Variants in SGIP1 observed in about 807,000 individuals in gnomAD.
SGIP1 encodes SH3GL interacting endocytic adaptor 1.
In SGIP1, 38 loss-of-function variants were observed where a neutral mutation model predicts 107.5. That is an observed-to-expected ratio of 0.35 (90% CI 0.27 to 0.46). The LOEUF is 0.46. Ranked by LOEUF, SGIP1 falls within the 20% of genes least tolerant of loss-of-function variation. SGIP1 has a pLI of 1.00. For missense variants in SGIP1, 929 were observed against 1,019.5 expected (o/e 0.91, Z 1.21); for synonymous variants, 365 against 366.1 (o/e 1.00, Z 0.03).
At chr1:66,625,716 C>A (rs1411975199) in intron 1 of SGIP1, 131 bp from the exon 2 acceptor site, 14 of 692,608 alleles carry the variant, frequency 2.0e-5, no homozygotes, top group Non-Finnish European at 2.4e-6. Context: ...GACACACATA[C>A]CTTTACATAC....
intron 1 of SGIP1, among the ~76,000 whole-genome samples, chr1:66,561,167 G>A (rs2058884510): frequency 6.6e-6 from 1 of 151,994 alleles, no homozygotes; most frequent in South Asian, 2.1e-4. Context: ...CTCAAAACAA[G>A]TCACAGAAAT....
chr1:66,669,375 C>T (rs993562224), intron 9 of SGIP1, among the ~76,000 whole-genome samples: 2 of 152,174 alleles, frequency 1.3e-5, no homozygotes, highest in Non-Finnish European at 2.9e-5. Flanking sequence ...GTCTTCAATA[C>T]AACCTCTGGG....
In SGIP1 at chr1:66,742,964, C is replaced by T. The variant is rs2094504968; in HGVS notation, c.2465-109C>T. On this transcript the variant is annotated intron_variant, in intron 24 of 24. Coordinates refer to ENST00000371037, the MANE Select transcript of SGIP1 (RefSeq NM_032291.4). ...ATTCGTATTGTACCTCTGAAGTATG[C>T]AGTATCTGGCTCCTAGGGGTAGGGA... 1.7e-5 allele frequency: 17 copies of T among 1,021,152 alleles called. 1 individual carries two copies. The South Asian group carries it at 2.1e-4, about 12-fold the overall frequency. The allele number at this position is 1,021,152 out of a possible 1,614,324, so 63.3% of individuals were successfully genotyped here. A position where few individuals can be genotyped will look rare whatever the true frequency, so the allele number is the denominator to read the frequency against.
chr1:66,542,595 T>C (rs1416864291), intron 1 of SGIP1, among the ~76,000 whole-genome samples: 1 of 152,212 alleles, frequency 6.6e-6, no homozygotes, highest in Non-Finnish European at 1.5e-5. Flanking sequence ...GACTGATTCG[T>C]GTCCCAGACA....
intron 1 of SGIP1, among the ~76,000 whole-genome samples, chr1:66,559,463 G>C (rs75112161): frequency 6.6e-6 from 1 of 152,004 alleles, no homozygotes; most frequent in African/African-American, 2.4e-5. Context: ...TTAGTGCTTC[G>C]AGGAAGAGAA....
chr1:66,697,979 T>C (rs529460582), intron 18 of SGIP1, among the ~76,000 whole-genome samples: 16 of 152,326 alleles, frequency 1.1e-4, no homozygotes, highest in African/African-American at 3.8e-4. Flanking sequence ...AGAAGAAAGA[T>C]TCCCACTTCA....
chr1:66,659,085 C>T (rs964316043), intron 7 of SGIP1, among the ~76,000 whole-genome samples: 2 of 152,112 alleles, frequency 1.3e-5, no homozygotes, highest in Non-Finnish European at 2.9e-5. Context: ...ATCACCAAAG[C>T]ATTAAATTCC....
intron 7 of SGIP1, among the ~76,000 whole-genome samples, chr1:66,644,230 A>G (rs901622356): frequency 3.3e-5 from 5 of 152,082 alleles, no homozygotes; most frequent in African/African-American, 1.2e-4. Flanking sequence ...CCTTCATTCT[A>G]TTGTATTATC....
intron 14 of SGIP1, among the ~76,000 whole-genome samples, chr1:66,680,752 G>T (rs1337566695): frequency 6.6e-6 from 1 of 152,162 alleles, no homozygotes; most frequent in African/African-American, 2.4e-5. Context: ...TTTATCTGTA[G>T]CCTTGGAACC....
chr1:66,711,341 T>A (rs1441337117), intron 18 of SGIP1, among the ~76,000 whole-genome samples: 1 of 152,126 alleles, frequency 6.6e-6, no homozygotes, highest in East Asian at 1.9e-4. Flanking sequence ...ATGATGAAGC[T>A]GAAACTCAGA....
intron 1 of SGIP1, among the ~76,000 whole-genome samples, chr1:66,564,842 A>C (rs1181000392): frequency 6.6e-6 from 1 of 151,948 alleles, no homozygotes; most frequent in Non-Finnish European, 1.5e-5. Context: ...GAGATTTTAC[A>C]CCTAGAGTCC....
chr1:66,739,324 C>A lies in SGIP1; in HGVS notation c.2032-11C>A, dbSNP rs757221616. 6.2e-7 allele frequency: 1 copy of A among 1,605,516 alleles called. No homozygotes were observed. Among genetic ancestry groups the A allele is most frequent in the Non-Finnish European group, 8.5e-7 (1 of 1,179,510 alleles). On this transcript the variant is annotated splice_polypyrimidine_tract_variant and intron_variant, in intron 21 of 24. Transcript: ENST00000371037. ...CATATGTTGTTATTTTCTTTCCTGT[C>A]GTTCGGCAAGGTGTCTGCCCAGGGC... is the stretch of plus-strand genomic sequence containing the variant.
chr1:66,592,897 C>CTTTTTTTTTTTTTTTTTTTTT (rs35762612), intron 1 of SGIP1, among the ~76,000 whole-genome samples: 124 of 56,350 alleles, frequency 2.2e-3, no homozygotes, highest in Non-Finnish European at 3.0e-3. Flanking sequence ...TCTTCTTCTT[C>CTTTTTTTTTTTTTTTTTTTTT]TTTTTTTTTT....
chr1:66,648,202 A>G (rs2078011168), intron 7 of SGIP1, among the ~76,000 whole-genome samples: 1 of 152,176 alleles, frequency 6.6e-6, no homozygotes. Context: ...TGGGTTAGGT[A>G]GCTCTCTGCA....
Position 66,534,204 on chromosome 1 carries a change from C to T in SGIP1, c.-155C>T, listed in dbSNP as rs1323527059. ...GAAGAAGCACCAGCAGCATCCATGG[C>T]CTGTCTTTTGGCTTAACACTTATCT... On this transcript the variant is annotated 5_prime_UTR_variant, in exon 1 of 25. Transcript: ENST00000371037. 2.8e-6 allele frequency: 2 copies of T among 723,638 alleles called. No homozygotes were observed. The highest frequency in any genetic ancestry group is 3.5e-5 in the African/African-American group (2 of 57,264). 44.8% of individuals were successfully genotyped at this position (723,638 alleles called of 1,614,324 possible).
chr1:66,633,246 A>T, intron 3 of SGIP1, 152 bp downstream of exon 3: 1 of 648,726 alleles, frequency 1.5e-6, no homozygotes, highest in Non-Finnish European at 2.7e-6. Flanking sequence ...TATTAATTGC[A>T]TGGGACATAA....
chr1:66,708,195 G>A (rs958243163), intron 18 of SGIP1, among the ~76,000 whole-genome samples: 1 of 152,092 alleles, frequency 6.6e-6, no homozygotes, highest in African/African-American at 2.4e-5. Context: ...TTTCACTAAG[G>A]TTTAATTTAA....
intron 1 of SGIP1, among the ~76,000 whole-genome samples, chr1:66,617,522 C>T (rs2069679862): frequency 6.6e-6 from 1 of 152,192 alleles, no homozygotes; most frequent in South Asian, 2.1e-4. Context: ...TCTAGAGTTG[C>T]TGTCAATATG....
chr1:66,615,868 A>C (rs2069170040), intron 1 of SGIP1: 1 of 152,198 alleles, frequency 6.6e-6, no homozygotes. Flanking sequence ...TTCTAAGGGA[A>C]CAGGTCAAAT....
Sources: gnomAD v4.1 joint callset for allele counts (sites outside exome capture counted in the v4.1 genomes callset) on GRCh38, gnomAD v4.1.1 for gene constraint, MANE v1.5 for transcripts, NCBI Gene and HGNC (gene_info 2026-07-23, HGNC 2026-07-21) for gene names.